ICA1: variants seen among roughly 807,000 people sequenced by gnomAD.
ICA1 encodes the protein 69 kDa islet cell autoantigen.
In ICA1, 40 loss-of-function variants were observed where a neutral mutation model predicts 71.0. That is an observed-to-expected ratio of 0.56 (90% CI 0.44 to 0.73). The LOEUF (loss-of-function observed/expected upper bound fraction) is 0.73. ICA1 is among the 30% of genes least tolerant of loss of function. The probability of loss-of-function intolerance (pLI) is 0.00; values close to 1 mark genes in which losing one functional copy is unlikely to be tolerated. For synonymous variants in ICA1, 207 were observed against 209.5 expected (o/e 0.99, Z 0.10); for missense variants, 578 against 576.5 (o/e 1.00, Z -0.03).
In ICA1 at chr7:8,119,401, T is replaced by C. The variant is rs114921250; in HGVS notation, c.1331-5357A>G. On this transcript the variant is annotated intron_variant, in intron 13 of 13. Transcript: ENST00000402384. Reference sequence around the variant, plus strand: ...GAAAAAAGAGGCAGACTCGAAGCATTATATTTTTCAAAGTATGACATGAAC... The same window carrying C: ...GAAAAAAGAGGCAGACTCGAAGCATCATATTTTTCAAAGTATGACATGAAC... Among the ~76,000 whole-genome samples, 710 of 152,300 alleles carry C rather than the reference T, an allele frequency of 4.7e-3. 6 individuals are homozygous for C. Among genetic ancestry groups the C allele is most frequent in the African/African-American group, 0.017 (686 of 41,542 alleles).
At chr7:8,238,635 CTTT>C (rs751433645) in intron 1 of ICA1, among the ~76,000 whole-genome samples, 3 of 152,200 alleles carry the variant, frequency 2.0e-5, no homozygotes, top group Non-Finnish European at 4.4e-5. Flanking sequence ...TTTACTATGA[CTTT>C]TTAATTAATT....
intron 1 of ICA1, among the ~76,000 whole-genome samples, chr7:8,255,060 T>G (rs1809589733): frequency 6.6e-6 from 1 of 152,086 alleles, no homozygotes; most frequent in Non-Finnish European, 1.5e-5. Flanking sequence ...GCTGTTCGCT[T>G]CCTTCTCCCT....
chr7:8,215,035 T>C (rs919281182), intron 6 of ICA1, among the ~76,000 whole-genome samples: 1 of 152,124 alleles, frequency 6.6e-6, no homozygotes, highest in East Asian at 1.9e-4. Flanking sequence ...TCCGGGTTTG[T>C]GTAAAAGCCT....
rs2128454747 is a variant in ICA1, at chr7:8,229,892, C to T, written c.184-1219G>A. Among the ~76,000 whole-genome samples the T allele has an allele frequency of 1.3e-5, 2 of 152,302 alleles. 1 individual carries two copies. The highest frequency in any genetic ancestry group is 6.8e-3 in the Middle Eastern group (2 of 294). On this transcript the variant is annotated intron_variant, in intron 3 of 13. Transcript: ENST00000402384. ...TTTATATCAGTATTCTGGATCAAAA[C>T]CCACTAACACATAGTATTTCCTGAA...
chr7:8,182,939 G>A (rs1458637710), intron 6 of ICA1, among the ~76,000 whole-genome samples: 1 of 152,038 alleles, frequency 6.6e-6, no homozygotes, highest in East Asian at 1.9e-4. Context: ...GTGTCTGCAG[G>A]GCACAGCTTC....
chr7:8,193,351 T>A (rs868468828), intron 6 of ICA1, among the ~76,000 whole-genome samples: 2 of 152,224 alleles, frequency 1.3e-5, no homozygotes. Context: ...CAGAGTTCTA[T>A]CTCATCCTTT....
At chr7:8,216,383 C>T (rs1795393026) in intron 6 of ICA1, among the ~76,000 whole-genome samples, 1 of 152,110 alleles carries the variant, frequency 6.6e-6, no homozygotes, top group Admixed American at 6.6e-5. Flanking sequence ...TAAATTGAAT[C>T]CAGCACACAT....
chr7:8,145,746 G>GTATATATATATATATATATATA (rs199855161), intron 8 of ICA1, among the ~76,000 whole-genome samples: 28 of 33,460 alleles, frequency 8.4e-4, no homozygotes, highest in Middle Eastern at 0.021. Context: ...TGGAATCATT[G>GTATATATATATATATATATATA]TGTATATATA....
chr7:8,205,784 C>T (rs1791306203), intron 6 of ICA1, among the ~76,000 whole-genome samples: 1 of 152,152 alleles, frequency 6.6e-6, no homozygotes, highest in African/African-American at 2.4e-5. Context: ...GAGAGAGAGA[C>T]TGTAGGGAAA....
At chr7:8,168,374 T>A (rs972370024) in intron 6 of ICA1, among the ~76,000 whole-genome samples, 1 of 152,060 alleles carries the variant, frequency 6.6e-6, no homozygotes, top group East Asian at 1.9e-4. Flanking sequence ...GTTTGGGAAA[T>A]CCCTATTTTA....
intron 12 of ICA1, among the ~76,000 whole-genome samples, chr7:8,137,419 T>G (rs1382672254): frequency 6.6e-6 from 1 of 152,240 alleles, no homozygotes; most frequent in African/African-American, 2.4e-5. Context: ...GTAAGACTTG[T>G]TGAAACTGGG....
At position 8,204,823 on chromosome 7, in the gene ICA1, C is replaced by A. The variant is rs867533209; in HGVS notation, c.579+13482G>T. Among the ~76,000 whole-genome samples, 2 of 152,122 alleles carry A rather than the reference C, an allele frequency of 1.3e-5. 1 individual carries two copies. The highest frequency in any genetic ancestry group is 2.9e-5 in the Non-Finnish European group (2 of 68,018). On this transcript the variant is annotated intron_variant, in intron 6 of 13. Transcript: ENST00000402384. ...TCATTATATTTTCAAAATACTCTTT[C>A]CTATTGTCATCTCCTTAATGTCAAC...
intron 6 of ICA1, among the ~76,000 whole-genome samples, chr7:8,179,706 C>T (rs1017375958): frequency 5.3e-5 from 8 of 152,034 alleles, no homozygotes; most frequent in Non-Finnish European, 2.9e-5. Flanking sequence ...TTCTAGTTCC[C>T]CAAACGAGTT....
chr7:8,145,926 C>G (rs1410054455), intron 8 of ICA1, among the ~76,000 whole-genome samples: 1 of 151,952 alleles, frequency 6.6e-6, no homozygotes, highest in Non-Finnish European at 1.5e-5. Context: ...AATGTGCATT[C>G]CTTCACCAAT....
intron 6 of ICA1, among the ~76,000 whole-genome samples, chr7:8,198,576 GC>G (rs1788477339): frequency 6.6e-6 from 1 of 152,188 alleles, no homozygotes; most frequent in Non-Finnish European, 1.5e-5. Flanking sequence ...AGGAAGCCAA[GC>G]CAGAGACTGG....
In ICA1 at chr7:8,157,137, T is replaced by A; in HGVS notation, c.783A>T (p.Pro261=). The change falls in exon 8 of 14, where the codon CCA becomes CCT. Residue 261 remains proline (P), a synonymous_variant. Coordinates refer to ENST00000402384, the MANE Select transcript of ICA1 (RefSeq NM_001136020.3). ...AIHESFKGYQ[P]YEFTTLKSLQ... ...ATACCTTTAAAGTAGTAAATTCATATGGTTGATAACCTTTGAAACTCTCAT... is the reference window on the plus strand; with the variant it reads ...ATACCTTTAAAGTAGTAAATTCATAAGGTTGATAACCTTTGAAACTCTCAT... The A allele has an allele frequency of 6.2e-7, 1 of 1,614,144 alleles. No individual in the cohort carries two copies.
intron 12 of ICA1, among the ~76,000 whole-genome samples, chr7:8,131,817 TG>T (rs557144791): frequency 1.2e-4 from 19 of 152,328 alleles, no homozygotes; most frequent in South Asian, 6.2e-4. Context: ...TCATTTTCTT[TG>T]AAAAAAATTC....
At chr7:8,160,264 C>T (rs1803274053) in intron 6 of ICA1, among the ~76,000 whole-genome samples, 1 of 152,110 alleles carries the variant, frequency 6.6e-6, no homozygotes, top group South Asian at 2.1e-4. Context: ...CTAATATGAA[C>T]ATATTCACAA....
At chr7:8,170,762 C>T (rs1004531997) in intron 6 of ICA1, among the ~76,000 whole-genome samples, 1 of 151,988 alleles carries the variant, frequency 6.6e-6, no homozygotes, top group Non-Finnish European at 1.5e-5. Context: ...TCTATGTACA[C>T]ATGCTGTCCA....
Sources: gnomAD v4.1 joint callset for allele counts (sites outside exome capture counted in the v4.1 genomes callset) on GRCh38, gnomAD v4.1.1 for gene constraint, MANE v1.5 for transcripts, NCBI Gene and HGNC (gene_info 2026-07-23, HGNC 2026-07-21) for gene names.